The following KCNAB1 variants were observed in gnomAD, a reference collection of about 807,000 sequenced individuals.
KCNAB1 encodes voltage-gated potassium channel subunit beta-1.
KCNAB1 carries 35 observed loss-of-function variants against 64.6 expected under a neutral mutation model. The ratio of observed to expected loss-of-function variants is 0.54; its 90% CI spans 0.41 to 0.72. KCNAB1 has a LOEUF of 0.72. Ranked by LOEUF, KCNAB1 falls within the 30% of genes least tolerant of loss-of-function variation. KCNAB1 has a pLI of 0.00. For missense variants in KCNAB1, 401 were observed against 512.9 expected, an observed-to-expected ratio of 0.78 and a Z score of 2.11; for synonymous variants, 177 against 183.8, an observed-to-expected ratio of 0.96 and a Z score of 0.30.
At chr3:156,399,601 G>A (rs1713738873) in intron 1 of KCNAB1, among the ~76,000 whole-genome samples, 1 of 152,110 alleles carries the variant, frequency 6.6e-6, no homozygotes, top group African/African-American at 2.4e-5. Context: ...TGACAACACG[G>A]CCTATGAGAT....
chr3:156,173,919 A>G (rs550698573), intron 1 of KCNAB1, among the ~76,000 whole-genome samples: 77 of 152,304 alleles, frequency 5.1e-4, no homozygotes, highest in African/African-American at 1.7e-3. Context: ...TCTTTGCCCA[A>G]TTGATTCAAT....
At chr3:156,324,072 C>T (rs769117403) in intron 1 of KCNAB1, among the ~76,000 whole-genome samples, 2 of 151,776 alleles carry the variant, frequency 1.3e-5, no homozygotes, top group Non-Finnish European at 2.9e-5. Context: ...TCTCTCACTT[C>T]CTCAGGACTG....
At chr3:156,477,860 G>A (rs1308003003) in intron 8 of KCNAB1, among the ~76,000 whole-genome samples, 1 of 152,134 alleles carries the variant, frequency 6.6e-6, no homozygotes, top group Non-Finnish European at 1.5e-5. Context: ...GGGAAAACAA[G>A]GTGCCTGTGT....
intron 1 of KCNAB1, among the ~76,000 whole-genome samples, chr3:156,354,116 G>GTGTGTATATATATATATATATATA (rs1725058024): frequency 3.8e-5 from 4 of 103,968 alleles, no homozygotes; most frequent in East Asian, 2.2e-4. Flanking sequence ...ATATATGTGT[G>GTGTGTATATATATATATATATATA]TGTGTATATA....
intron 8 of KCNAB1, among the ~76,000 whole-genome samples, chr3:156,487,409 C>T (rs1201788610): frequency 6.6e-6 from 1 of 152,118 alleles, no homozygotes; most frequent in African/African-American, 2.4e-5. Context: ...AAAGCCTCAA[C>T]CTCTGCAGTT....
At chr3:156,176,942 G>T in intron 1 of KCNAB1, 1 of 778,296 alleles carries the variant, frequency 1.3e-6, no homozygotes, top group South Asian at 1.7e-5. Context: ...TTGGGTTTTT[G>T]AGGCCCACCT....
chr3:156,455,749 C>A (rs1367138903), intron 3 of KCNAB1, among the ~76,000 whole-genome samples: 1 of 152,120 alleles, frequency 6.6e-6, no homozygotes, highest in Non-Finnish European at 1.5e-5. Context: ...AGTCTCTGGC[C>A]GTGTGGGTCT....
intron 1 of KCNAB1, among the ~76,000 whole-genome samples, chr3:156,370,836 A>G (rs989115140): frequency 1.3e-5 from 2 of 152,228 alleles, no homozygotes; most frequent in African/African-American, 2.4e-5. Context: ...CCGTGGTGGC[A>G]GGCTGGGTAG....
At chr3:156,176,426 G>T (rs1185473428) in intron 1 of KCNAB1, 4 of 784,302 alleles carry the variant, frequency 5.1e-6, no homozygotes, top group Non-Finnish European at 2.4e-6. Flanking sequence ...TGCAAACAAG[G>T]TGGCTAGATA....
intron 1 of KCNAB1, among the ~76,000 whole-genome samples, chr3:156,128,776 T>A (rs768933452): frequency 1.3e-5 from 2 of 152,234 alleles, no homozygotes; most frequent in Non-Finnish European, 2.9e-5. Flanking sequence ...ATTAAATCTT[T>A]CAATGGGTTG....
chr3:156,369,018 T>C (rs1175952266), intron 1 of KCNAB1, among the ~76,000 whole-genome samples: 2 of 152,126 alleles, frequency 1.3e-5, no homozygotes, highest in Admixed American at 1.3e-4. Flanking sequence ...GTTTTTCATA[T>C]GCTCATGTAA....
At chr3:156,243,968 C>T (rs1025391696) in intron 1 of KCNAB1, among the ~76,000 whole-genome samples, 4 of 152,220 alleles carry the variant, frequency 2.6e-5, no homozygotes, top group Non-Finnish European at 4.4e-5. Context: ...CTTCCATGGA[C>T]CTGCCATAAC....
intron 1 of KCNAB1, among the ~76,000 whole-genome samples, chr3:156,275,419 G>C (rs1719280429): frequency 6.6e-6 from 1 of 152,128 alleles, no homozygotes; most frequent in Non-Finnish European, 1.5e-5. Flanking sequence ...TGAAGGATGG[G>C]GTGGCTGTGG....
intron 1 of KCNAB1, among the ~76,000 whole-genome samples, chr3:156,410,223 A>C (rs1424416066): frequency 1.3e-5 from 2 of 152,214 alleles, no homozygotes; most frequent in Non-Finnish European, 2.9e-5. Flanking sequence ...TGTCAACCCT[A>C]GTATTCAACT....
chr3:156,403,967 C>A (rs1714077649), intron 1 of KCNAB1, among the ~76,000 whole-genome samples: 1 of 151,756 alleles, frequency 6.6e-6, no homozygotes, highest in South Asian at 2.1e-4. Context: ...AGAGCCTGAC[C>A]TGGGTTAACC....
chr3:156,223,914 T>C (rs887869284), intron 1 of KCNAB1, among the ~76,000 whole-genome samples: 1 of 152,246 alleles, frequency 6.6e-6, no homozygotes, highest in African/African-American at 2.4e-5. Context: ...GTGCCCGCAC[T>C]CCTCAGCCCT....
chr3:156,265,501 G>A (rs1049577058), intron 1 of KCNAB1, among the ~76,000 whole-genome samples: 1 of 152,152 alleles, frequency 6.6e-6, no homozygotes, highest in African/African-American at 2.4e-5. Context: ...CTTTCATGTG[G>A]ATTCTTTCAT....
At chr3:156,521,356 T>C (rs1054628118) in intron 11 of KCNAB1, among the ~76,000 whole-genome samples, 10 of 152,086 alleles carry the variant, frequency 6.6e-5, no homozygotes, top group Non-Finnish European at 1.2e-4. Flanking sequence ...GGAGGTGTCA[T>C]GATCAATCTG....
chr3:156,160,663 GA>G (rs1716022670), intron 1 of KCNAB1, among the ~76,000 whole-genome samples: 1 of 152,210 alleles, frequency 6.6e-6, no homozygotes, highest in African/African-American at 2.4e-5. Flanking sequence ...AAACTGATAG[GA>G]AGTGATTTGA....
Sources: gnomAD v4.1 joint callset for allele counts (sites outside exome capture counted in the v4.1 genomes callset) on GRCh38, gnomAD v4.1.1 for gene constraint, MANE v1.5 for transcripts, NCBI Gene and HGNC (gene_info 2026-07-23, HGNC 2026-07-21) for gene names.